Variants in ADD3 observed in about 807,000 individuals in gnomAD.
The protein encoded by ADD3 is gamma-adducin.
A neutral mutation model predicts 80.2 loss-of-function variants in ADD3; 25 were observed. The observed-to-expected ratio is 0.31, with a 90% CI of 0.23 to 0.44. ADD3 has a LOEUF of 0.44. Among genes scored for constraint, ADD3 ranks in the 20% least tolerant of loss-of-function variants. The pLI is 1.00. For missense variants in ADD3, 829 were observed against 847.5 expected, an observed-to-expected ratio of 0.98 and a Z score of 0.27; for synonymous variants, 284 against 289.6, an observed-to-expected ratio of 0.98 and a Z score of 0.20.
intron 1 of ADD3, among the ~76,000 whole-genome samples, chr10:110,025,430 A>G (rs1443471603): frequency 6.6e-6 from 1 of 152,148 alleles, no homozygotes; most frequent in African/African-American, 2.4e-5. Flanking sequence ...TGGTTCAATT[A>G]AAAGCAAGTC....
intron 1 of ADD3, among the ~76,000 whole-genome samples, chr10:110,038,211 C>G (rs1358196311): frequency 6.6e-6 from 1 of 151,798 alleles, no homozygotes; most frequent in Non-Finnish European, 1.5e-5. Flanking sequence ...CTCCAGAATT[C>G]AGTGACTTAT....
chr10:110,021,843 A>G (rs1243962443), intron 1 of ADD3, among the ~76,000 whole-genome samples: 1 of 152,214 alleles, frequency 6.6e-6, no homozygotes, highest in East Asian at 1.9e-4. Context: ...TGAAATGTAC[A>G]ATTATTAGTA....
chr10:110,033,629 T>C (rs914709254), intron 1 of ADD3, among the ~76,000 whole-genome samples: 1 of 152,222 alleles, frequency 6.6e-6, no homozygotes, highest in Non-Finnish European at 1.5e-5. Context: ...GAAGTATAGT[T>C]ACTTAAAAAC....
intron 1 of ADD3, among the ~76,000 whole-genome samples, chr10:110,015,477 G>C (rs1359664727): frequency 6.6e-6 from 1 of 150,708 alleles, no homozygotes; most frequent in Admixed American, 6.7e-5. Context: ...CTGGGTTCAT[G>C]CCATTCTCCT....
At chr10:110,075,236 TC>T in intron 1 of ADD3, among the ~76,000 whole-genome samples, 1 of 152,184 alleles carries the variant, frequency 6.6e-6, no homozygotes, top group Non-Finnish European at 1.5e-5. Context: ...AAATCTGATA[TC>T]ATTGGCAGAT....
chr10:110,014,586 C>T (rs529617744), intron 1 of ADD3, among the ~76,000 whole-genome samples: 87 of 152,140 alleles, frequency 5.7e-4, no homozygotes, highest in African/African-American at 1.8e-3. Flanking sequence ...AGTGCAATGG[C>T]GCAATTCTCA....
rs773426083 is a variant in ADD3 at position 110,124,212 on chromosome 10, A to G, written c.1339A>G (p.Met447Val). 7 of 1,614,112 alleles carry G rather than the reference A, an allele frequency of 4.3e-6. No individual in the cohort carries two copies. In the East Asian group the frequency reaches 1.1e-4, roughly 26 times the overall value. Residue 447 changes from methionine to valine, a missense_variant, in exon 10 of 15, where the codon ATG becomes GTG. By Grantham distance (21) the Met-to-Val change is conservative. Transcript: ENST00000356080. ...ATGGCTGAACTCACCAAATACTTAC[A>G]TGAAAGTGAATGTGCCTGAGGAGTC... is the stretch of plus-strand genomic sequence containing the variant. Reference protein sequence around the residue: ...TRWLNSPNTYMKVNVPEESRN... With the variant: ...TRWLNSPNTYVKVNVPEESRN...
intron 1 of ADD3, among the ~76,000 whole-genome samples, chr10:110,094,824 G>C (rs1170837640): frequency 6.6e-6 from 1 of 152,282 alleles, no homozygotes; most frequent in Non-Finnish European, 1.5e-5. Context: ...AACTGAAATA[G>C]CATTTGTTGT....
At chr10:110,128,049 A>ATTTTTTTTTTTT (rs71486096) in intron 12 of ADD3, among the ~76,000 whole-genome samples, 1 of 106,014 alleles carries the variant, frequency 9.4e-6, no homozygotes, top group Non-Finnish European at 1.9e-5. Context: ...TTTGTTTAGG[A>ATTTTTTTTTTTT]TTTTTTTTTT....
intron 1 of ADD3, among the ~76,000 whole-genome samples, chr10:110,066,158 G>A (rs1843929630): frequency 6.6e-6 from 1 of 152,066 alleles, no homozygotes; most frequent in African/African-American, 2.4e-5. Flanking sequence ...TCAAATCTTT[G>A]TGAGTGTAGG....
chr10:110,125,883 G>A lies in ADD3; in HGVS notation c.1459G>A (p.Asp487Asn), dbSNP rs1852084360. ...VSGGTPIKIEDPNQFVPLNTN... is the reference protein window; with the variant it reads ...VSGGTPIKIENPNQFVPLNTN... ...TGGTGGAACACCTATCAAAATTGAA[G>A]ATCCAAATCAGTTTGTTCCTTTAAA... The change falls in exon 11 of 15, where the codon GAT becomes AAT. Residue 487 changes from aspartate (D) to asparagine (N), a missense_variant. By Grantham distance (23) the Asp-to-Asn change is conservative. Transcript: ENST00000356080. The A allele has an allele frequency of 6.2e-7, 1 of 1,610,604 alleles. No homozygotes were observed. Among genetic ancestry groups the A allele is most frequent in the Non-Finnish European group, 8.5e-7 (1 of 1,177,526 alleles).
chr10:110,064,443 T>C (rs2133557458), intron 1 of ADD3, among the ~76,000 whole-genome samples: 1 of 152,358 alleles, frequency 6.6e-6, no homozygotes, highest in South Asian at 2.1e-4. Context: ...GGTAGGTAGA[T>C]AGTGGTATCT....
At chr10:110,102,485 C>T (rs1460249745) in intron 2 of ADD3, among the ~76,000 whole-genome samples, 4 of 151,932 alleles carry the variant, frequency 2.6e-5, no homozygotes, top group Admixed American at 6.6e-5. Context: ...GGTGTGAGTC[C>T]GTAGTCTCAT....
chr10:110,005,758 C>A (rs987577723), upstream of ADD3: 3 of 152,170 alleles, frequency 2.0e-5, no homozygotes, highest in Non-Finnish European at 2.9e-5. Flanking sequence ...CCTCAACCAC[C>A]CAGTTAATTT....
At chr10:110,050,329 C>T (rs1857365910) in intron 1 of ADD3, among the ~76,000 whole-genome samples, 1 of 151,942 alleles carries the variant, frequency 6.6e-6, no homozygotes. Context: ...GGGCAGTTTC[C>T]TCCATACTAT....
At chr10:110,065,784 C>G (rs371262728) in intron 1 of ADD3, among the ~76,000 whole-genome samples, 3 of 151,604 alleles carry the variant, frequency 2.0e-5, no homozygotes, top group East Asian at 1.9e-4. Flanking sequence ...AAATGATCCA[C>G]CTGCCTCAGC....
intron 2 of ADD3, among the ~76,000 whole-genome samples, chr10:110,103,061 A>T (rs1262384213): frequency 1.3e-5 from 2 of 151,616 alleles, no homozygotes; most frequent in Non-Finnish European, 2.9e-5. Flanking sequence ...AAAAGTTGAT[A>T]TTTTTTTTTC....
chr10:110,019,785 T>A (rs1178084821), intron 1 of ADD3, among the ~76,000 whole-genome samples: 1 of 152,094 alleles, frequency 6.6e-6, no homozygotes, highest in Non-Finnish European at 1.5e-5. Context: ...ACTTGGAGAG[T>A]GGCCAAGAAA....
chr10:110,004,337 A>G (rs1297957329), upstream of ADD3, among the ~76,000 whole-genome samples: 3 of 151,696 alleles, frequency 2.0e-5, no homozygotes, highest in Non-Finnish European at 4.4e-5. Context: ...GATCGAGACC[A>G]TCCTGGCTAA....
Sources: allele counts gnomAD v4.1 joint callset (sites outside exome capture counted in the v4.1 genomes callset), GRCh38; gene constraint gnomAD v4.1.1; transcripts MANE v1.5; gene names NCBI Gene and HGNC (gene_info 2026-07-23, HGNC 2026-07-21).